GABRB1: variants seen among roughly 807,000 people sequenced by gnomAD.
The protein encoded by GABRB1 is gamma-aminobutyric acid type A receptor subunit beta1, also known as gamma-aminobutyric acid receptor subunit beta-1.
A neutral mutation model predicts 51.6 loss-of-function variants in GABRB1; 17 were observed. That is an observed-to-expected ratio of 0.33 (90% confidence interval 0.23 to 0.49). GABRB1 has a LOEUF of 0.49. Among genes scored for constraint, GABRB1 ranks in the 20% least tolerant of loss-of-function variants. The pLI, the probability that GABRB1 is intolerant of heterozygous loss-of-function variation, is 0.99. For missense variants in GABRB1, 410 were observed against 600.6 expected, an observed-to-expected ratio of 0.68 and a Z score of 3.32; for synonymous variants, 247 against 218.9, an observed-to-expected ratio of 1.13 and a Z score of -1.14.
intron 5 of GABRB1, among the ~76,000 whole-genome samples, chr4:47,376,578 C>T (rs1305036668): frequency 2.0e-5 from 3 of 152,142 alleles, no homozygotes; most frequent in Non-Finnish European, 4.4e-5. Flanking sequence ...ACCCGGGAGG[C>T]GGAGCTTGCA....
At chr4:47,310,660 A>C (rs558591062) in intron 4 of GABRB1, among the ~76,000 whole-genome samples, 4 of 152,156 alleles carry the variant, frequency 2.6e-5, no homozygotes, top group Non-Finnish European at 5.9e-5. Flanking sequence ...GTAAACTTGG[A>C]AAAATTTATT....
chr4:47,218,945 A>G (rs1460773053), intron 4 of GABRB1, among the ~76,000 whole-genome samples: 1 of 151,810 alleles, frequency 6.6e-6, no homozygotes, highest in Non-Finnish European at 1.5e-5. Flanking sequence ...AGAAACCTCT[A>G]GTAGTGTGCA....
Position 47,071,033 on chromosome 4 carries a change from C to T in GABRB1, c.240+38549C>T, listed in dbSNP as rs540865249. ...CTAGACTTCTCGTCCTACAATTTTT[C>T]TTATCTCAGCAAGAAGCAACACCAT... On this transcript the variant is annotated intron_variant, in intron 3 of 8. Coordinates refer to ENST00000295454, the MANE Select transcript of GABRB1 (RefSeq NM_000812.4). Among the ~76,000 whole-genome samples, 43 of 152,306 alleles carry T rather than the reference C, an allele frequency of 2.8e-4. No homozygotes were observed. The East Asian group carries it at 7.5e-3, about 27-fold the overall frequency.
intron 5 of GABRB1, among the ~76,000 whole-genome samples, chr4:47,354,288 C>T (rs1578117039): frequency 6.7e-6 from 1 of 148,632 alleles, no homozygotes; most frequent in Admixed American, 6.6e-5. Flanking sequence ...TTTTATTATA[C>T]TTATATTTAC....
intron 3 of GABRB1, among the ~76,000 whole-genome samples, chr4:47,119,791 G>A (rs1715684750): frequency 6.6e-6 from 1 of 152,038 alleles, no homozygotes; most frequent in Admixed American, 6.6e-5. Context: ...TTACCAGGGT[G>A]AGCCACTGGG....
At chr4:47,222,188 C>G (rs1481527545) in intron 4 of GABRB1, among the ~76,000 whole-genome samples, 2 of 152,142 alleles carry the variant, frequency 1.3e-5, no homozygotes, top group Non-Finnish European at 2.9e-5. Flanking sequence ...TTTCTCTCTG[C>G]TCTGCACATG....
intron 4 of GABRB1, among the ~76,000 whole-genome samples, chr4:47,280,115 C>T (rs964534491): frequency 6.6e-6 from 1 of 151,554 alleles, no homozygotes; most frequent in East Asian, 1.9e-4. Context: ...TGGTGTATGA[C>T]CTTCTGTAGA....
At chr4:47,211,413 C>T (rs986825277) in intron 4 of GABRB1, among the ~76,000 whole-genome samples, 1 of 152,074 alleles carries the variant, frequency 6.6e-6, no homozygotes, top group Non-Finnish European at 1.5e-5. Flanking sequence ...AGTTATAATA[C>T]TCACTTTAAA....
chr4:47,125,025 A>G (rs1716052780), intron 3 of GABRB1, among the ~76,000 whole-genome samples: 1 of 152,208 alleles, frequency 6.6e-6, no homozygotes, highest in South Asian at 2.1e-4. Flanking sequence ...AAGATTATAT[A>G]TAGACACATT....
At chr4:47,323,472 T>C (rs1725152701) in intron 5 of GABRB1, among the ~76,000 whole-genome samples, 1 of 39,772 alleles carries the variant, frequency 2.5e-5, no homozygotes, top group Non-Finnish European at 4.9e-5. Context: ...TATTCATGTA[T>C]TTTTTTAACT....
chr4:47,365,299 G>C (rs1433959758), intron 5 of GABRB1, among the ~76,000 whole-genome samples: 2 of 152,196 alleles, frequency 1.3e-5, no homozygotes, highest in Non-Finnish European at 1.5e-5. Context: ...CCAAATGATA[G>C]TCTGTTTCAC....
At chr4:47,381,125 C>A (rs1319987753) in intron 5 of GABRB1, among the ~76,000 whole-genome samples, 1 of 152,138 alleles carries the variant, frequency 6.6e-6, no homozygotes, top group Non-Finnish European at 1.5e-5. Context: ...GCCACACCTA[C>A]CCCTGAAGTC....
intron 7 of GABRB1, 25 bp downstream of exon 7, chr4:47,403,736 G>A: frequency 6.3e-7 from 1 of 1,599,912 alleles, no homozygotes; most frequent in South Asian, 1.1e-5. Flanking sequence ...GCACTGCAGA[G>A]AGCTAACAGA....
At chr4:47,024,852 TA>T (rs1460576958) in intron 1 of GABRB1, among the ~76,000 whole-genome samples, 8 of 149,262 alleles carry the variant, frequency 5.4e-5, no homozygotes, top group Non-Finnish European at 7.4e-5. Context: ...TTACTTCACT[TA>T]GAATAATAGT....
Position 47,307,391 on chromosome 4 carries a change from T to C in GABRB1, c.462-12736T>C, listed in dbSNP as rs571135665. ...CAGAAATCATGTTTTATTGTTAGTATGATATCTGGAGTGCTCAATTATTAA... is the reference window on the plus strand; with the variant it reads ...CAGAAATCATGTTTTATTGTTAGTACGATATCTGGAGTGCTCAATTATTAA... On this transcript the variant is annotated intron_variant, in intron 4 of 8. Coordinates refer to ENST00000295454, the MANE Select transcript of GABRB1 (RefSeq NM_000812.4). Among the ~76,000 whole-genome samples, 51 of 152,148 alleles carry C rather than the reference T, an allele frequency of 3.4e-4. 1 individual carries two copies. Among genetic ancestry groups the C allele is most frequent in the Admixed American group, 1.5e-3 (23 of 15,252 alleles).
intron 3 of GABRB1, among the ~76,000 whole-genome samples, chr4:47,107,862 A>G (rs1427809336): frequency 6.6e-6 from 1 of 152,078 alleles, no homozygotes; most frequent in African/African-American, 2.4e-5. Flanking sequence ...TAGGAGAGTA[A>G]CTTTTAGATA....
chr4:47,198,854 C>T (rs1006127656), intron 4 of GABRB1, among the ~76,000 whole-genome samples: 1 of 152,012 alleles, frequency 6.6e-6, no homozygotes, highest in Non-Finnish European at 1.5e-5. Flanking sequence ...TGGCAGGAGG[C>T]AAAGGGAAAG....
chr4:47,263,088 A>G (rs1429865177), intron 4 of GABRB1, among the ~76,000 whole-genome samples: 4 of 151,222 alleles, frequency 2.6e-5, no homozygotes, highest in Non-Finnish European at 4.4e-5. Context: ...GAAATACCTA[A>G]TGCTAAATGA....
At chr4:47,009,652 T>G (rs1003411104) in intron 1 of GABRB1, among the ~76,000 whole-genome samples, 6 of 152,194 alleles carry the variant, frequency 3.9e-5, no homozygotes, top group Admixed American at 3.9e-4. Context: ...TCCATACCAT[T>G]GTGGATTATC....
Sources: gnomAD v4.1 joint callset for allele counts (sites outside exome capture counted in the v4.1 genomes callset) on GRCh38, gnomAD v4.1.1 for gene constraint, MANE v1.5 for transcripts, NCBI Gene and HGNC (gene_info 2026-07-23, HGNC 2026-07-21) for gene names.